Variants in NTRK1 observed in about 807,000 individuals in gnomAD.
NTRK1 encodes the protein neurotrophic receptor tyrosine kinase 1, also known as high affinity nerve growth factor receptor.
Under a neutral mutation model 86.8 loss-of-function variants are expected in NTRK1, and 62 were observed. The ratio of observed to expected loss-of-function variants is 0.71; its 90% CI spans 0.58 to 0.88. The LOEUF (loss-of-function observed/expected upper bound fraction) is 0.88, where lower values mean the gene tolerates loss of function less well. Among genes scored for constraint, NTRK1 ranks in the 40% least tolerant of loss-of-function variants. NTRK1 has a pLI of 0.00. For synonymous variants in NTRK1, 469 were observed against 456.6 expected (o/e 1.03, Z -0.35); for missense variants, 967 against 1,078.4 (o/e 0.90, Z 1.45).
chr1:156,819,955 A>C (rs547222440), intron 1 of NTRK1, among the ~76,000 whole-genome samples: 1 of 152,056 alleles, frequency 6.6e-6, no homozygotes, highest in South Asian at 2.1e-4. Flanking sequence ...TTTTTTTGCT[A>C]TGCAGAAGCT....
chr1:156,858,238 G>A (rs750806436), upstream of NTRK1, among the ~76,000 whole-genome samples: 1 of 152,146 alleles, frequency 6.6e-6, no homozygotes, highest in African/African-American at 2.4e-5. Flanking sequence ...ACACTCTCAC[G>A]GCCTCATTTG....
At chr1:156,849,169 C>G in intron 2 of NTRK1, 1 of 1,601,190 alleles carries the variant, frequency 6.2e-7, no homozygotes, top group Non-Finnish European at 8.5e-7. Flanking sequence ...GTGTCCCCCT[C>G]GAGCTTTCTC....
chr1:156,816,086 C>G (rs756324388), intron 1 of NTRK1: 1 of 1,613,284 alleles, frequency 6.2e-7, no homozygotes, highest in East Asian at 2.2e-5. Flanking sequence ...ATGGGGGCTT[C>G]GTGACTCCCT....
chr1:156,823,945 T>C (rs1654255106), intron 1 of NTRK1, among the ~76,000 whole-genome samples: 1 of 152,192 alleles, frequency 6.6e-6, no homozygotes, highest in Non-Finnish European at 1.5e-5. Flanking sequence ...CCCAAAGATC[T>C]GCACCCTGTG....
At chr1:156,851,645 C>T in intron 2 of NTRK1, 2 of 1,614,184 alleles carry the variant, frequency 1.2e-6, no homozygotes, top group Non-Finnish European at 1.7e-6. Flanking sequence ...TAGGTACTGA[C>T]AGCCCTGGCG....
At position 156,877,464 on chromosome 1, in the gene NTRK1, G is replaced by C. The variant is rs78594768; in HGVS notation, c.1805+892G>C. 5.4e-3 allele frequency among the ~76,000 whole-genome samples: 829 copies of C among 152,360 alleles called. 3 individuals carry two copies. Among genetic ancestry groups the C allele is most frequent in the African/African-American group, 0.018 (730 of 41,572 alleles). On this transcript the variant is annotated intron_variant, in intron 14 of 16. Transcript: ENST00000524377. ...CCCAAGGGCACACAGGTAGTGAATGGCCCAGGGGTGATGTGGCCCCAGGCA... is the reference window on the plus strand; with the variant it reads ...CCCAAGGGCACACAGGTAGTGAATGCCCCAGGGGTGATGTGGCCCCAGGCA...
intron 2 of NTRK1, chr1:156,845,614 C>G (rs1654969364): frequency 6.5e-7 from 1 of 1,531,734 alleles, no homozygotes; most frequent in Non-Finnish European, 8.8e-7. Flanking sequence ...GCGCGCTCTT[C>G]GCACATGGGG....
chr1:156,847,426 G>A (rs1655050584), intron 2 of NTRK1, among the ~76,000 whole-genome samples: 1 of 152,218 alleles, frequency 6.6e-6, no homozygotes, highest in African/African-American at 2.4e-5. Flanking sequence ...GGGCTCCCTG[G>A]GGGAGATGAC....
chr1:156,863,021 G>C (rs973321643), intron 1 of NTRK1, among the ~76,000 whole-genome samples: 1 of 151,794 alleles, frequency 6.6e-6, no homozygotes, highest in Non-Finnish European at 1.5e-5. Flanking sequence ...AGGGTAGAGG[G>C]GGAGAGTTCT....
At chr1:156,848,838 C>T in intron 2 of NTRK1, 2 of 1,483,756 alleles carry the variant, frequency 1.3e-6, no homozygotes, top group Non-Finnish European at 1.8e-6. Flanking sequence ...CCTCGCTGAG[C>T]TCCGCCCTCA....
intron 1 of NTRK1, among the ~76,000 whole-genome samples, chr1:156,821,719 C>T (rs952160744): frequency 1.3e-5 from 2 of 152,224 alleles, no homozygotes. Context: ...AAGCATTTCA[C>T]TTGGCAAGGA....
chr1:156,872,252 T>C (rs1254465034), intron 7 of NTRK1, among the ~76,000 whole-genome samples: 1 of 152,212 alleles, frequency 6.6e-6, no homozygotes, highest in Non-Finnish European at 1.5e-5. Context: ...TTTTAAACAA[T>C]AATTACTCTT....
rs1051323895 is a variant in NTRK1, at chr1:156,846,605, A to G, written c.50+4412A>G. On this transcript the variant is annotated intron_variant, in intron 2 of 16. Coordinates refer to the NTRK1 transcript ENST00000392302. ...CTCAGTGGTTAGCGTGATGGCCCGCACAAACACTGCGTACTGTGTCCAAGG... is the reference window on the plus strand; with the variant it reads ...CTCAGTGGTTAGCGTGATGGCCCGCGCAAACACTGCGTACTGTGTCCAAGG... The G allele has an allele frequency of 3.7e-6, 6 of 1,614,032 alleles. No individual in the cohort carries two copies. In the Admixed American group the frequency reaches 5.0e-5, roughly 13 times the overall value.
intron 2 of NTRK1, chr1:156,843,307 C>G: frequency 6.4e-7 from 1 of 1,569,200 alleles, no homozygotes; most frequent in Non-Finnish European, 8.8e-7. Context: ...TTCTCTTCTC[C>G]TCTTCTGAAG....
intron 14 of NTRK1, among the ~76,000 whole-genome samples, 161 bp from the exon 15 acceptor site, chr1:156,878,961 A>G (rs1403623697): frequency 6.6e-6 from 1 of 152,170 alleles, no homozygotes; most frequent in Non-Finnish European, 1.5e-5. Context: ...CCGCTCCTCC[A>G]TCCCACCCCT....
In NTRK1 at chr1:156,854,389, C is replaced by A. The variant is rs1321245319; in HGVS notation, c.51-9965C>A. The A allele has an allele frequency of 5.5e-5, 74 of 1,334,610 alleles. No individual in the cohort carries two copies. Among genetic ancestry groups the A allele is most frequent in the Non-Finnish European group, 6.8e-5 (67 of 982,642 alleles). 82.7% of individuals were successfully genotyped at this position (1,334,610 alleles called of 1,614,324 possible). On this transcript the variant is annotated intron_variant, in intron 2 of 16. Transcript: ENST00000392302. This position sits in a 1 kb window ranked among gnomAD's most constrained non-coding sequence, Gnocchi z 4.2. The stretch of plus-strand genomic sequence containing the variant: ...CTGGCAGCTTTGGAGGGGAGCCACA[C>A]TGGCAGTAGGACAATGAGTGAGGAG...
intron 1 of NTRK1, chr1:156,841,376 G>A (rs1479887270): frequency 5.6e-6 from 9 of 1,610,986 alleles, no homozygotes; most frequent in South Asian, 1.1e-5. Context: ...TGAGGAAGGG[G>A]CAGGGGAGGT....
At chr1:156,841,556 C>G (rs1383125352) in intron 1 of NTRK1, 1 of 1,613,940 alleles carries the variant, frequency 6.2e-7, no homozygotes, top group Non-Finnish European at 8.5e-7. Flanking sequence ...CTCCTGAGCC[C>G]AGCACCCTTC....
chr1:156,853,408 G>A (rs1655296370), intron 2 of NTRK1, among the ~76,000 whole-genome samples: 1 of 152,190 alleles, frequency 6.6e-6, no homozygotes, highest in African/African-American at 2.4e-5. Context: ...GTAGAGCTGA[G>A]ACTTGAACCC....
Sources: gnomAD v4.1 joint callset for allele counts (sites outside exome capture counted in the v4.1 genomes callset) on GRCh38, gnomAD v4.1.1 for gene constraint, Gnocchi (gnomAD v3.1) non-coding constraint, MANE v1.5 for transcripts, NCBI Gene and HGNC (gene_info 2026-07-23, HGNC 2026-07-21) for gene names.